ATP2B4: variants seen among roughly 807,000 people sequenced by gnomAD.
ATP2B4 encodes the protein ATPase plasma membrane Ca2+ transporting 4.
In ATP2B4, 39 loss-of-function variants were observed where a neutral mutation model predicts 110.3. The observed-to-expected ratio is 0.35, with a 90% CI of 0.27 to 0.46. The LOEUF (loss-of-function observed/expected upper bound fraction) is 0.46, where lower values mean the gene tolerates loss of function less well. Among genes scored for constraint, ATP2B4 ranks in the 20% least tolerant of loss-of-function variants. The pLI, the probability that ATP2B4 is intolerant of heterozygous loss-of-function variation, is 1.00. For synonymous variants in ATP2B4, 538 were observed against 571.7 expected (o/e 0.94, Z 0.84); for missense variants, 1,135 against 1,530.9 (o/e 0.74, Z 4.32).
At chr1:203,638,006 AG>A (rs1663509285) in intron 1 of ATP2B4, among the ~76,000 whole-genome samples, 1 of 152,164 alleles carries the variant, frequency 6.6e-6, no homozygotes, top group African/African-American at 2.4e-5. Flanking sequence ...TGGGGGCTGA[AG>A]GGGTCTTAGT....
chr1:203,723,457 T>TCCCTCC (rs1553251107), intron 18 of ATP2B4, among the ~76,000 whole-genome samples: 1,163 of 113,550 alleles, frequency 0.01, 55 homozygotes, highest in African/African-American at 0.031. Context: ...TCTCTCTCTC[T>TCCCTCC]CTCCCTCTGC....
At chr1:203,691,682 T>C (rs1190551062) in intron 2 of ATP2B4, among the ~76,000 whole-genome samples, 1 of 152,146 alleles carries the variant, frequency 6.6e-6, no homozygotes, top group Non-Finnish European at 1.5e-5. Context: ...GCTGGAAGTC[T>C]AGCAGATAGG....
intron 1 of ATP2B4, among the ~76,000 whole-genome samples, chr1:203,660,796 A>C (rs1664315365): frequency 6.7e-6 from 1 of 149,722 alleles, no homozygotes; most frequent in African/African-American, 2.5e-5. Context: ...ACTCTGTCTC[A>C]AAAAAATAAA....
rs376792479 is a variant in ATP2B4, at chr1:203,688,580, G to A, written c.193+5182G>A. ...GCCCCCCAAAGTGCTAGGATTACAG[G>A]CATGAGCCCTCATGCGCAGCCTCAG... On this transcript the variant is annotated intron_variant, in intron 2 of 20. Coordinates refer to ENST00000357681, the MANE Select transcript of ATP2B4 (RefSeq NM_001684.5). 1.2e-4 allele frequency among the ~76,000 whole-genome samples: 18 copies of A among 152,150 alleles called. No homozygotes were observed. In the East Asian group the frequency reaches 1.5e-3, roughly 13 times the overall value.
In ATP2B4 at chr1:203,709,324, G is replaced by C. The variant is rs1360564345; in HGVS notation, c.1581G>C (p.Leu527=). Residue 527 remains leucine, a synonymous_variant, in exon 11 of 21, where the codon CTG becomes CTC. Coordinates refer to ENST00000357681, the MANE Select transcript of ATP2B4 (RefSeq NM_001684.5). ...KILPPEKEGG[L]PRQVGNKTEC... Reference sequence around the variant, plus strand: ...AGCCTCCAGAGAAGGAGGGAGGCCTGCCTCGGCAGGTGGGCAACAAGACCG... The same window carrying C: ...AGCCTCCAGAGAAGGAGGGAGGCCTCCCTCGGCAGGTGGGCAACAAGACCG... 1 of 1,614,190 alleles carries C rather than the reference G, an allele frequency of 6.2e-7. No individual in the cohort carries two copies. The highest frequency in any genetic ancestry group is 1.7e-5 in the Admixed American group (1 of 60,028).
chr1:203,725,840 G>A (rs1666492403), intron 19 of ATP2B4, among the ~76,000 whole-genome samples: 1 of 146,204 alleles, frequency 6.8e-6, no homozygotes, highest in South Asian at 2.2e-4. Context: ...CCCTAAACCT[G>A]CTAGTTATTT....
chr1:203,646,067 A>C (rs1663790333), intron 1 of ATP2B4, among the ~76,000 whole-genome samples: 1 of 81,710 alleles, frequency 1.2e-5, no homozygotes, highest in Admixed American at 1.2e-4. Flanking sequence ...AAGAATATTT[A>C]CTTTTTTTCC....
At chr1:203,657,220 T>C (rs551022879) in intron 1 of ATP2B4, 3 of 732,376 alleles carry the variant, frequency 4.1e-6, no homozygotes, top group Admixed American at 4.3e-5. Context: ...TTTCTTGAAA[T>C]GCATATTGGC....
intron 15 of ATP2B4, 57 bp downstream of exon 15, chr1:203,714,334 G>A: frequency 1.3e-6 from 2 of 1,597,750 alleles, no homozygotes; most frequent in Admixed American, 1.7e-5. Flanking sequence ...CAGGAAGCCA[G>A]GTCCGGCTTC....
intron 19 of ATP2B4, among the ~76,000 whole-genome samples, 174 bp downstream of exon 19, chr1:203,724,162 A>G (rs1666433004): frequency 6.6e-6 from 1 of 152,046 alleles, no homozygotes; most frequent in South Asian, 2.1e-4. Context: ...TAGGATCTCA[A>G]GGTGGAATGA....
At chr1:203,723,486 T>C (rs7536033) in intron 18 of ATP2B4, among the ~76,000 whole-genome samples, 22,858 of 121,594 alleles carry the variant, frequency 0.19, 2,780 homozygotes, top group East Asian at 0.3. Context: ...CTCTCTCTCT[T>C]TTCCCCCCTC....
At chr1:203,738,499 A>G (rs923053544) in intron 20 of ATP2B4, among the ~76,000 whole-genome samples, 2 of 152,096 alleles carry the variant, frequency 1.3e-5, no homozygotes, top group Non-Finnish European at 2.9e-5. Flanking sequence ...TGGGCAATGC[A>G]TCTCCTTTTG....
intron 20 of ATP2B4, among the ~76,000 whole-genome samples, chr1:203,734,919 G>A (rs1156621682): frequency 4.1e-5 from 6 of 145,996 alleles, no homozygotes; most frequent in East Asian, 4.1e-4. Flanking sequence ...CAGGAGAATC[G>A]CTGGAACCCA....
At chr1:203,706,889 C>G in intron 8 of ATP2B4, 120 bp from the exon 9 acceptor site, 1 of 784,278 alleles carries the variant, frequency 1.3e-6, no homozygotes, top group African/African-American at 1.7e-5. Flanking sequence ...AGTAAGTCTT[C>G]CTGGCGATGG....
At chr1:203,678,012 A>G (rs771365492) in intron 1 of ATP2B4, among the ~76,000 whole-genome samples, 14 of 152,222 alleles carry the variant, frequency 9.2e-5, no homozygotes, top group Admixed American at 3.9e-4. Context: ...TGTAGCCCAG[A>G]AGCCAGAGTT....
intron 1 of ATP2B4, among the ~76,000 whole-genome samples, chr1:203,665,868 T>C (rs1664488325): frequency 6.6e-6 from 1 of 152,158 alleles, no homozygotes; most frequent in Non-Finnish European, 1.5e-5. Context: ...TAATACATGC[T>C]TAAATGTAAA....
chr1:203,720,404 A>G (rs972154559), intron 15 of ATP2B4, 145 bp from the exon 16 acceptor site: 1 of 742,882 alleles, frequency 1.3e-6, no homozygotes, highest in East Asian at 3.0e-5. Context: ...CTAGAGTGAC[A>G]GTGACACATT....
At chr1:203,691,080 A>G (rs1000689767) in intron 2 of ATP2B4, among the ~76,000 whole-genome samples, 1 of 152,148 alleles carries the variant, frequency 6.6e-6, no homozygotes, top group African/African-American at 2.4e-5. Flanking sequence ...GTTCACTGTC[A>G]TAATGCTGTC....
chr1:203,632,179 T>C (rs1288411268), intron 1 of ATP2B4, among the ~76,000 whole-genome samples: 6 of 151,056 alleles, frequency 4.0e-5, no homozygotes, highest in Non-Finnish European at 7.4e-5. Flanking sequence ...AATGGTACAG[T>C]CCATACAATA....
Sources: gnomAD v4.1 joint callset for allele counts (sites outside exome capture counted in the v4.1 genomes callset) on GRCh38, gnomAD v4.1.1 for gene constraint, MANE v1.5 for transcripts, NCBI Gene and HGNC (gene_info 2026-07-23, HGNC 2026-07-21) for gene names.